GPC6: variants seen among roughly 807,000 people sequenced by gnomAD.
The protein encoded by GPC6 is glypican-6.
A neutral mutation model predicts 55.2 loss-of-function variants in GPC6; 14 were observed. The ratio of observed to expected loss-of-function variants is 0.25; its 90% CI spans 0.17 to 0.40. The LOEUF (loss-of-function observed/expected upper bound fraction) is 0.40. Among genes scored for constraint, GPC6 ranks in the 10% least tolerant of loss-of-function variants. GPC6 has a pLI of 1.00. For synonymous variants in GPC6, 278 were observed against 259.6 expected (o/e 1.07, Z -0.68); for missense variants, 641 against 708.5 (o/e 0.90, Z 1.08).
intron 2 of GPC6, among the ~76,000 whole-genome samples, chr13:93,690,824 ATTTTATTTTATCTTACCT>A (rs1287121456): frequency 1.3e-5 from 2 of 151,976 alleles, no homozygotes; most frequent in Non-Finnish European, 2.9e-5. Flanking sequence ...AGGTTATTTT[ATTTTATTTTATCTTACCT>A]TTTCCTATCT....
At position 93,295,544 on chromosome 13, in the gene GPC6, G is replaced by A. The variant is rs1474004509; in HGVS notation, c.160+67928G>A. 3.3e-5 allele frequency among the ~76,000 whole-genome samples: 5 copies of A among 151,826 alleles called. No individual in the cohort carries two copies. In the East Asian group the frequency reaches 5.8e-4, roughly 18 times the overall value. ...GACAGAGTCTGGAGTGCAGTGGCGC[G>A]ATCTCGGCTCACTGCAAGCTTCGCC... On this transcript the variant is annotated intron_variant, in intron 1 of 8. Transcript: ENST00000377047.
At chr13:93,370,125 A>G (rs1881398057) in intron 1 of GPC6, among the ~76,000 whole-genome samples, 2 of 152,080 alleles carry the variant, frequency 1.3e-5, no homozygotes, top group South Asian at 4.1e-4. Flanking sequence ...TGCTGCATTC[A>G]TTATTCCAGA....
chr13:93,263,480 T>C (rs2139043449), intron 1 of GPC6, among the ~76,000 whole-genome samples: 1 of 152,328 alleles, frequency 6.6e-6, no homozygotes, highest in African/African-American at 2.4e-5. Flanking sequence ...TTCTCCTCCT[T>C]CAGCCTCCTA....
chr13:94,372,262 C>T (rs148469144), intron 6 of GPC6, among the ~76,000 whole-genome samples: 1 of 152,090 alleles, frequency 6.6e-6, no homozygotes, highest in Admixed American at 6.5e-5. Context: ...GCGTGAGTGA[C>T]GCAGAAGACG....
chr13:94,336,597 C>T (rs1877713743), intron 6 of GPC6, among the ~76,000 whole-genome samples: 3 of 152,032 alleles, frequency 2.0e-5, no homozygotes, highest in South Asian at 2.1e-4. Flanking sequence ...GGATGGAGAA[C>T]CTTTCTGAAT....
intron 2 of GPC6, among the ~76,000 whole-genome samples, chr13:93,740,249 T>C (rs1479939023): frequency 8.8e-6 from 1 of 114,086 alleles, no homozygotes; most frequent in Non-Finnish European, 1.6e-5. Context: ...ATACATTTTG[T>C]TGAAAGTGTA....
chr13:93,600,946 C>T (rs7326533), intron 2 of GPC6, among the ~76,000 whole-genome samples: 55,702 of 131,930 alleles, frequency 0.42, 13,009 homozygotes, highest in African/African-American at 0.64. Context: ...GGAAATTCCG[C>T]CTCAAAAAAA....
intron 2 of GPC6, among the ~76,000 whole-genome samples, chr13:93,730,301 A>G (rs1210126098): frequency 2.6e-5 from 4 of 152,172 alleles, no homozygotes; most frequent in Non-Finnish European, 5.9e-5. Context: ...AGTTGAATAT[A>G]TTAAGGAATG....
chr13:93,951,023 T>C (rs772935963), intron 3 of GPC6, among the ~76,000 whole-genome samples: 2 of 152,170 alleles, frequency 1.3e-5, no homozygotes, highest in Non-Finnish European at 2.9e-5. Context: ...ATGTTGTTTT[T>C]TCAATCTGTA....
At chr13:93,734,991 C>T (rs1265541853) in intron 2 of GPC6, among the ~76,000 whole-genome samples, 2 of 151,964 alleles carry the variant, frequency 1.3e-5, no homozygotes, top group African/African-American at 4.8e-5. Context: ...TAAATCTTAC[C>T]TTATAACTTA....
intron 1 of GPC6, among the ~76,000 whole-genome samples, chr13:93,433,014 T>C (rs1877426172): frequency 6.6e-6 from 1 of 152,086 alleles, no homozygotes; most frequent in Admixed American, 6.6e-5. Flanking sequence ...TCAGAGCTTA[T>C]ATTTGGAAAT....
intron 2 of GPC6, among the ~76,000 whole-genome samples, chr13:93,686,646 A>G (rs968076832): frequency 2.6e-5 from 4 of 152,176 alleles, no homozygotes; most frequent in Non-Finnish European, 4.4e-5. Flanking sequence ...ATGAGTAAAC[A>G]TACATTGTGA....
intron 2 of GPC6, among the ~76,000 whole-genome samples, chr13:93,655,853 A>G (rs1880639254): frequency 1.3e-5 from 2 of 152,326 alleles, no homozygotes; most frequent in South Asian, 4.1e-4. Context: ...AGTTTTCACC[A>G]AAATGTCAAA....
chr13:94,036,706 T>A (rs1284526482), intron 4 of GPC6, among the ~76,000 whole-genome samples: 3 of 152,014 alleles, frequency 2.0e-5, no homozygotes, highest in Non-Finnish European at 4.4e-5. Context: ...GTTTTCAGAC[T>A]GAATGAATCC....
intron 2 of GPC6, among the ~76,000 whole-genome samples, chr13:93,693,461 C>CTGTGTGTGTGTGTGTGTGTG (rs35459356): frequency 2.1e-4 from 29 of 139,428 alleles, no homozygotes; most frequent in Non-Finnish European, 3.3e-4. Context: ...GTATGTATAT[C>CTGTGTGTGTGTGTGTGTGTG]TGTGTGTGTG....
At chr13:93,667,735 G>GTTTTTTGTT (rs1555322123) in intron 2 of GPC6, among the ~76,000 whole-genome samples, 153 of 123,154 alleles carry the variant, frequency 1.2e-3, no homozygotes, top group African/African-American at 5.6e-3. Context: ...GCCAGGACTT[G>GTTTTTTGTT]TTTTTTTTTT....
chr13:93,241,829 G>GTT (rs36078461), intron 1 of GPC6, among the ~76,000 whole-genome samples: 25 of 148,916 alleles, frequency 1.7e-4, no homozygotes, highest in South Asian at 4.2e-4. Context: ...ACTGAACTGG[G>GTT]TTTTTTTTTT....
rs570485524 is a variant in GPC6 at position 93,846,966 on chromosome 13, C to T, written c.711+16421C>T. ...AAAATATCTCCCTAGGAAGCCTAAACTCTTGTGGATGATTATTCATACACT... is the reference window on the plus strand; with the variant it reads ...AAAATATCTCCCTAGGAAGCCTAAATTCTTGTGGATGATTATTCATACACT... On this transcript the variant is annotated intron_variant, in intron 3 of 8. Coordinates refer to ENST00000377047, the MANE Select transcript of GPC6 (RefSeq NM_005708.5). Among the ~76,000 whole-genome samples, 26 of 152,294 alleles carry T rather than the reference C, an allele frequency of 1.7e-4. 1 individual carries two copies. The South Asian group carries it at 4.8e-3, about 28-fold the overall frequency.
intron 2 of GPC6, among the ~76,000 whole-genome samples, chr13:93,732,772 T>A (rs1216145944): frequency 6.6e-6 from 1 of 152,084 alleles, no homozygotes; most frequent in Non-Finnish European, 1.5e-5. Context: ...ATGCAAGTCA[T>A]GTGTGTGATT....
Sources: gnomAD v4.1 joint callset for allele counts (sites outside exome capture counted in the v4.1 genomes callset) on GRCh38, gnomAD v4.1.1 for gene constraint, MANE v1.5 for transcripts, NCBI Gene and HGNC (gene_info 2026-07-23, HGNC 2026-07-21) for gene names.